The following GPC6 variants were observed in gnomAD, a reference collection of about 807,000 sequenced individuals.
GPC6 encodes the protein glypican-6.
A neutral mutation model predicts 55.2 loss-of-function variants in GPC6; 14 were observed. That is an observed-to-expected ratio of 0.25 (90% CI 0.17 to 0.40). GPC6 has a LOEUF of 0.40. Ranked by LOEUF, GPC6 falls within the 10% of genes least tolerant of loss-of-function variation. GPC6 has a pLI of 1.00. For missense variants in GPC6, 641 were observed against 708.5 expected, an observed-to-expected ratio of 0.90 and a Z score of 1.08; for synonymous variants, 278 against 259.6, an observed-to-expected ratio of 1.07 and a Z score of -0.68.
intron 1 of GPC6, among the ~76,000 whole-genome samples, chr13:93,526,516 C>T (rs1252667021): frequency 4.6e-5 from 7 of 152,036 alleles, no homozygotes; most frequent in African/African-American, 1.4e-4. Flanking sequence ...TCCTTGTGTA[C>T]TATTAATTGC....
intron 1 of GPC6, among the ~76,000 whole-genome samples, chr13:93,451,536 A>C (rs2139302009): frequency 6.6e-6 from 1 of 152,216 alleles, no homozygotes; most frequent in East Asian, 1.9e-4. Context: ...TCACACATAA[A>C]ATTGTGTTGG....
At chr13:93,835,173 G>A (rs79100339) in intron 3 of GPC6, among the ~76,000 whole-genome samples, 5,249 of 152,248 alleles carry the variant, frequency 0.034, 270 homozygotes, top group East Asian at 0.17. Context: ...GTGACTTCTG[G>A]CATGGCATGG....
chr13:93,752,854 C>T (rs1489595234), intron 2 of GPC6, among the ~76,000 whole-genome samples: 2 of 152,162 alleles, frequency 1.3e-5, no homozygotes, highest in African/African-American at 4.8e-5. Flanking sequence ...GCTGTCATCC[C>T]TACTGCCGAG....
At chr13:94,156,876 G>A (rs1483262944) in intron 4 of GPC6, among the ~76,000 whole-genome samples, 1 of 152,148 alleles carries the variant, frequency 6.6e-6, no homozygotes, top group Admixed American at 6.6e-5. Context: ...TTAGATGAGT[G>A]CTGGAGAAAG....
At chr13:93,319,907 G>C (rs1446929968) in intron 1 of GPC6, among the ~76,000 whole-genome samples, 2 of 152,072 alleles carry the variant, frequency 1.3e-5, no homozygotes, top group Non-Finnish European at 2.9e-5. Context: ...GGAGCATAGT[G>C]GAAACTAGAA....
At chr13:93,655,839 G>C (rs565349605) in intron 2 of GPC6, among the ~76,000 whole-genome samples, 1 of 152,278 alleles carries the variant, frequency 6.6e-6, no homozygotes, top group South Asian at 2.1e-4. Context: ...TCGTTTTACA[G>C]CACAGTTTTC....
intron 6 of GPC6, among the ~76,000 whole-genome samples, chr13:94,320,928 T>C (rs1876788925): frequency 6.6e-6 from 1 of 152,218 alleles, no homozygotes; most frequent in African/African-American, 2.4e-5. Context: ...TAAACTTTTA[T>C]TTTAGATTCA....
intron 4 of GPC6, among the ~76,000 whole-genome samples, chr13:94,067,620 TAGAC>T (rs1555292462): frequency 9.0e-4 from 109 of 121,012 alleles, no homozygotes; most frequent in East Asian, 3.0e-3. Context: ...GATAGATAGA[TAGAC>T]AGACAGACAG....
At chr13:93,839,650 A>G (rs974612275) in intron 3 of GPC6, among the ~76,000 whole-genome samples, 3 of 152,124 alleles carry the variant, frequency 2.0e-5, no homozygotes, top group South Asian at 2.1e-4. Context: ...AAGGTATGTG[A>G]TACCATGGGC....
chr13:93,997,270 C>A (rs917865355), intron 3 of GPC6, among the ~76,000 whole-genome samples: 5 of 151,982 alleles, frequency 3.3e-5, no homozygotes, highest in Middle Eastern at 3.2e-3. Context: ...CTTTCACGTA[C>A]AAAAAAGCCT....
At chr13:93,306,241 A>G (rs1878851965) in intron 1 of GPC6, among the ~76,000 whole-genome samples, 1 of 152,160 alleles carries the variant, frequency 6.6e-6, no homozygotes, top group Non-Finnish European at 1.5e-5. Context: ...GACAAATGAT[A>G]ATGAAATAAG....
At chr13:94,039,806 C>T (rs1017494799) in intron 4 of GPC6, among the ~76,000 whole-genome samples, 2 of 151,798 alleles carry the variant, frequency 1.3e-5, no homozygotes, top group African/African-American at 2.4e-5. Context: ...TTTTTCTTCC[C>T]TGTGAAATCA....
chr13:94,268,500 C>A (rs1227874120), intron 4 of GPC6, among the ~76,000 whole-genome samples: 1 of 152,096 alleles, frequency 6.6e-6, no homozygotes, highest in Non-Finnish European at 1.5e-5. Flanking sequence ...TGAAAGGTGT[C>A]TTAAGGTTAA....
chr13:93,372,314 T>G (rs905117284), intron 1 of GPC6, among the ~76,000 whole-genome samples: 4 of 65,488 alleles, frequency 6.1e-5, no homozygotes, highest in African/African-American at 1.3e-4. Flanking sequence ...GGCTATGAGT[T>G]TGCTTGGTCT....
At chr13:94,226,905 G>A (rs371865248) in intron 4 of GPC6, among the ~76,000 whole-genome samples, 7 of 152,238 alleles carry the variant, frequency 4.6e-5, no homozygotes, top group South Asian at 2.1e-4. Context: ...TCCAGCCTGC[G>A]TGGCCCAAGG....
At chr13:93,325,733 AAGAG>A (rs890299880) in intron 1 of GPC6, among the ~76,000 whole-genome samples, 2 of 152,056 alleles carry the variant, frequency 1.3e-5, no homozygotes, top group Non-Finnish European at 2.9e-5. Flanking sequence ...AGAAAAAAGA[AAGAG>A]AGAAAAAAAG....
Position 94,043,656 on chromosome 13 carries a change from A to G in GPC6, c.877+15762A>G, listed in dbSNP as rs114377709. Among the ~76,000 whole-genome samples the G allele has an allele frequency of 2.5e-3, 380 of 151,796 alleles. 1 individual carries two copies. The highest frequency in any genetic ancestry group is 8.8e-3 in the African/African-American group (366 of 41,424). On this transcript the variant is annotated intron_variant, in intron 4 of 8. Coordinates refer to ENST00000377047, the MANE Select transcript of GPC6 (RefSeq NM_005708.5). ...GTTCATTCTAGCCTTCTCTTTCCTT[A>G]TTTGCAACATCTTTCTCCAACAATG...
intron 4 of GPC6, among the ~76,000 whole-genome samples, chr13:94,194,842 A>C (rs1177148215): frequency 2.0e-5 from 3 of 151,788 alleles, no homozygotes; most frequent in Non-Finnish European, 4.4e-5. Context: ...ATACAGAAGC[A>C]TGTGTTGTGT....
At chr13:93,893,347 C>T (rs1875804226) in intron 3 of GPC6, among the ~76,000 whole-genome samples, 2 of 152,210 alleles carry the variant, frequency 1.3e-5, no homozygotes, top group Admixed American at 1.3e-4. Context: ...TGATCCACCG[C>T]TCCCGGCCAT....
Sources: gnomAD v4.1 joint callset for allele counts (sites outside exome capture counted in the v4.1 genomes callset) on GRCh38, gnomAD v4.1.1 for gene constraint, MANE v1.5 for transcripts, NCBI Gene and HGNC (gene_info 2026-07-23, HGNC 2026-07-21) for gene names.